The following GUCY1A2 variants were observed in gnomAD, a reference collection of about 807,000 sequenced individuals.
The protein encoded by GUCY1A2 is guanylate cyclase 1 soluble subunit alpha 2.
GUCY1A2 carries 27 observed loss-of-function variants against 63.5 expected under a neutral mutation model. The ratio of observed to expected loss-of-function variants is 0.43; its 90% CI spans 0.31 to 0.59. The LOEUF is 0.59. GUCY1A2 is among the 20% of genes least tolerant of loss of function. The pLI is 0.11. For synonymous variants in GUCY1A2, 364 were observed against 343.5 expected, an observed-to-expected ratio of 1.06 and a Z score of -0.66; for missense variants, 768 against 913.3, an observed-to-expected ratio of 0.84 and a Z score of 2.05.
At chr11:106,744,201 T>C (rs1249030592) in intron 6 of GUCY1A2, among the ~76,000 whole-genome samples, 5 of 151,354 alleles carry the variant, frequency 3.3e-5, no homozygotes, top group African/African-American at 1.2e-4. Context: ...ACTTCTAGTA[T>C]AGCAAATATC....
intron 5 of GUCY1A2, among the ~76,000 whole-genome samples, chr11:106,781,439 T>C (rs1864461838): frequency 6.6e-6 from 1 of 152,160 alleles, no homozygotes; most frequent in Non-Finnish European, 1.5e-5. Context: ...TAGCTGCTTT[T>C]ATAAAACTTT....
chr11:106,716,397 T>G (rs1863213966), intron 6 of GUCY1A2, among the ~76,000 whole-genome samples: 1 of 152,162 alleles, frequency 6.6e-6, no homozygotes, highest in Non-Finnish European at 1.5e-5. Context: ...GTCCTGTTAG[T>G]TCTGTTGCAT....
chr11:106,786,846 A>G (rs1362081512), intron 5 of GUCY1A2, among the ~76,000 whole-genome samples: 2 of 152,094 alleles, frequency 1.3e-5, no homozygotes, highest in Non-Finnish European at 2.9e-5. Flanking sequence ...TTAATACTCA[A>G]TGTTATTATT....
chr11:106,811,583 A>T (rs1591286993), intron 4 of GUCY1A2, among the ~76,000 whole-genome samples: 1 of 152,230 alleles, frequency 6.6e-6, no homozygotes, highest in East Asian at 1.9e-4. Flanking sequence ...CTGAACAAAT[A>T]TGGAATAAAC....
intron 1 of GUCY1A2, among the ~76,000 whole-genome samples, chr11:107,016,825 T>C (rs1345986580): frequency 6.7e-6 from 1 of 148,666 alleles, no homozygotes; most frequent in Non-Finnish European, 1.5e-5. Context: ...AAATAGCTAA[T>C]GTGAGAGAGA....
At chr11:106,786,108 A>G (rs1396042003) in intron 5 of GUCY1A2, among the ~76,000 whole-genome samples, 1 of 152,186 alleles carries the variant, frequency 6.6e-6, no homozygotes, top group East Asian at 1.9e-4. Context: ...GTAGGCATTC[A>G]ATGATCCAAA....
intron 4 of GUCY1A2, among the ~76,000 whole-genome samples, chr11:106,899,770 AAC>A (rs375104675): frequency 1.3e-5 from 2 of 152,276 alleles, no homozygotes; most frequent in Non-Finnish European, 2.9e-5. Context: ...GAGCCTCTGA[AAC>A]ACACACATAT....
Position 107,017,783 on chromosome 11 carries a change from GC to G in GUCY1A2, c.272del (p.Gly91AlafsTer7). Reference sequence around the variant, plus strand: ...GCGCCGTCAGGCGGCTGATGCTCTCGCCCAGCGAGTCCAGGTTGACCCGCCT... The same window carrying G: ...GCGCCGTCAGGCGGCTGATGCTCTCGCCAGCGAGTCCAGGTTGACCCGCCT... ...RRRRVNLDSL[G>X]ESISRLTAPS... On this transcript the variant is annotated frameshift_variant, in exon 1 of 8. Transcript: ENST00000526355. LOFTEE classifies it high-confidence loss of function. 1 of 1,429,542 alleles carries G rather than the reference GC, an allele frequency of 7.0e-7. No individual in the cohort carries two copies. The highest frequency in any genetic ancestry group is 9.2e-7 in the Non-Finnish European group (1 of 1,091,884). The allele number at this position is 1,429,542 out of a possible 1,614,324, so 88.6% of individuals were successfully genotyped here. A position where few individuals can be genotyped will look rare whatever the true frequency, so the allele number is the denominator to read the frequency against.
At position 107,014,869 on chromosome 11, in the gene GUCY1A2, A is replaced by G. The variant is rs1160732330; in HGVS notation, c.303+2884T>C. Among the ~76,000 whole-genome samples the G allele has an allele frequency of 2.6e-5, 4 of 152,174 alleles. No individual in the cohort carries two copies. The East Asian group carries it at 7.7e-4, about 29-fold the overall frequency. On this transcript the variant is annotated intron_variant, in intron 1 of 7. Transcript: ENST00000526355. The stretch of plus-strand genomic sequence containing the variant: ...TCAAAACAACTAGAAATTCCCATCT[A>G]AAAAGGCTCTGGTAATGGCTACTCT...
chr11:106,726,936 T>A (rs981967814), intron 6 of GUCY1A2, among the ~76,000 whole-genome samples: 1 of 152,116 alleles, frequency 6.6e-6, no homozygotes, highest in Non-Finnish European at 1.5e-5. Context: ...GTATGTGGCA[T>A]GGGAAACAAA....
intron 4 of GUCY1A2, among the ~76,000 whole-genome samples, chr11:106,900,128 C>A (rs1860110897): frequency 4.6e-5 from 7 of 150,906 alleles, no homozygotes; most frequent in Admixed American, 4.6e-4. Context: ...TGTAGCCAAT[C>A]AATGTAAGAT....
At chr11:106,954,987 C>CT (rs532474346) in intron 3 of GUCY1A2, among the ~76,000 whole-genome samples, 2,470 of 135,888 alleles carry the variant, frequency 0.018, 72 homozygotes, top group African/African-American at 0.065. Context: ...TTTTTTTTTT[C>CT]TTTTTTTTGA....
intron 5 of GUCY1A2, among the ~76,000 whole-genome samples, chr11:106,796,284 T>C (rs925657694): frequency 3.8e-4 from 58 of 152,310 alleles, no homozygotes; most frequent in Non-Finnish European, 4.7e-4. Flanking sequence ...GTGTCTTTTA[T>C]TGGAGCATTT....
intron 1 of GUCY1A2, among the ~76,000 whole-genome samples, chr11:107,002,873 G>A (rs1186408755): frequency 6.6e-6 from 1 of 152,104 alleles, no homozygotes; most frequent in Non-Finnish European, 1.5e-5. Context: ...AATAAATTAG[G>A]TATGAATAAA....
At chr11:106,997,743 G>A (rs1451682987) in intron 1 of GUCY1A2, among the ~76,000 whole-genome samples, 8 of 151,660 alleles carry the variant, frequency 5.3e-5, no homozygotes, top group Admixed American at 2.0e-4. Flanking sequence ...CTAAAATGTC[G>A]GTGGTTACCA....
chr11:106,864,765 C>T (rs56103547), intron 4 of GUCY1A2, among the ~76,000 whole-genome samples: 20,068 of 151,998 alleles, frequency 0.13, 1,375 homozygotes, highest in Non-Finnish European at 0.15. Context: ...AGGATGAAGC[C>T]GACTTGATCA....
At chr11:106,831,108 G>A (rs768316441) in intron 4 of GUCY1A2, among the ~76,000 whole-genome samples, 33 of 152,074 alleles carry the variant, frequency 2.2e-4, no homozygotes, top group Non-Finnish European at 4.1e-4. Context: ...AGCATTTTCA[G>A]TAACAGTGAA....
At chr11:106,718,837 A>T (rs1299782015) in intron 6 of GUCY1A2, among the ~76,000 whole-genome samples, 1 of 152,172 alleles carries the variant, frequency 6.6e-6, no homozygotes, top group African/African-American at 2.4e-5. Flanking sequence ...AATGAAGAGT[A>T]ATAGCAGAAT....
In GUCY1A2 at chr11:106,687,684, C is replaced by T. The variant is rs753102807; in HGVS notation, c.2064G>A (p.Lys688=). 6.2e-7 allele frequency: 1 copy of T among 1,613,534 alleles called. No individual in the cohort carries two copies. Among genetic ancestry groups the T allele is most frequent in the Non-Finnish European group, 8.5e-7 (1 of 1,179,476 alleles). Residue 688 remains lysine, a synonymous_variant, in exon 8 of 8, where the codon AAG becomes AAA. Transcript: ENST00000526355. The part of the protein sequence containing the change: ...SREELPDNFP[K]EIPGICYFLE... The stretch of plus-strand genomic sequence containing the variant: ...GGAAATAGCAGATCCCAGGAATTTC[C>T]TTTGGAAAGTTGTCTGGAAGCTCTT...
Sources: allele counts gnomAD v4.1 joint callset (sites outside exome capture counted in the v4.1 genomes callset), GRCh38; gene constraint gnomAD v4.1.1; transcripts MANE v1.5; gene names NCBI Gene and HGNC (gene_info 2026-07-23, HGNC 2026-07-21).